Variants in NUP93 observed in about 807,000 individuals in gnomAD.
NUP93 encodes nuclear pore complex protein Nup93.
A neutral mutation model predicts 107.8 loss-of-function variants in NUP93; 55 were observed. The ratio of observed to expected loss-of-function variants is 0.51; its 90% CI spans 0.41 to 0.64. The LOEUF (loss-of-function observed/expected upper bound fraction) is 0.64. Among genes scored for constraint, NUP93 ranks in the 30% least tolerant of loss-of-function variants. The pLI, the probability that NUP93 is intolerant of heterozygous loss-of-function variation, is 0.00. For missense variants in NUP93, 937 were observed against 1,044.7 expected (o/e 0.90, Z 1.42); for synonymous variants, 390 against 397.5 (o/e 0.98, Z 0.22).
chr16:56,838,013 C>T (rs960476121), intron 18 of NUP93, among the ~76,000 whole-genome samples: 7 of 152,168 alleles, frequency 4.6e-5, no homozygotes, highest in African/African-American at 1.2e-4. Flanking sequence ...GCATTATGCT[C>T]GCCTAAATAC....
chr16:56,760,910 G>T (rs1220795422), intron 3 of NUP93, among the ~76,000 whole-genome samples: 1 of 152,006 alleles, frequency 6.6e-6, no homozygotes, highest in African/African-American at 2.4e-5. Flanking sequence ...AGTCCCTCCT[G>T]TGTGCACCAC....
At chr16:56,772,364 C>A (rs1258682492) in intron 3 of NUP93, among the ~76,000 whole-genome samples, 1 of 152,186 alleles carries the variant, frequency 6.6e-6, no homozygotes, top group Non-Finnish European at 1.5e-5. Context: ...ACTCCGGATT[C>A]TTTATACCTT....
chr16:56,781,142 C>T (rs772373562), intron 3 of NUP93, among the ~76,000 whole-genome samples: 5 of 152,152 alleles, frequency 3.3e-5, no homozygotes, highest in Non-Finnish European at 7.3e-5. Flanking sequence ...ACTTACACAT[C>T]ATATATTTTC....
At chr16:56,756,261 G>A (rs1038315348) in intron 2 of NUP93, among the ~76,000 whole-genome samples, 13 of 142,102 alleles carry the variant, frequency 9.1e-5, no homozygotes, top group South Asian at 2.3e-4. Flanking sequence ...GCCTGCATGC[G>A]TTAGGTATTT....
chr16:56,743,859 A>G (rs1283708579), intron 1 of NUP93, among the ~76,000 whole-genome samples: 1 of 152,100 alleles, frequency 6.6e-6, no homozygotes, highest in Non-Finnish European at 1.5e-5. Context: ...GTTTCTGTGG[A>G]GGCTCAGTAG....
At chr16:56,776,816 C>T (rs1478789931) in intron 3 of NUP93, among the ~76,000 whole-genome samples, 1 of 152,242 alleles carries the variant, frequency 6.6e-6, no homozygotes, top group Non-Finnish European at 1.5e-5. Flanking sequence ...GGCCCAAAGC[C>T]AGGACCTGGG....
At chr16:56,796,208 G>A (rs1207762030) in intron 3 of NUP93, among the ~76,000 whole-genome samples, 2 of 152,134 alleles carry the variant, frequency 1.3e-5, no homozygotes, top group East Asian at 3.8e-4. Context: ...TGATGTTTTG[G>A]TCAAGGACAA....
At chr16:56,823,884 T>C in intron 8 of NUP93, 38 bp downstream of exon 8, 1 of 1,600,752 alleles carries the variant, frequency 6.2e-7, no homozygotes, top group Non-Finnish European at 8.5e-7. Flanking sequence ...GGCTTTCACA[T>C]CCTTTGCAGT....
At chr16:56,822,215 T>C (rs1963560020) in intron 7 of NUP93, among the ~76,000 whole-genome samples, 1 of 151,892 alleles carries the variant, frequency 6.6e-6, no homozygotes, top group Non-Finnish European at 1.5e-5. Flanking sequence ...TTTTTTGTCT[T>C]TTTAAAAATT....
At chr16:56,844,258 TA>T (rs1421684454) in intron 21 of NUP93, among the ~76,000 whole-genome samples, 7 of 152,122 alleles carry the variant, frequency 4.6e-5, no homozygotes, top group African/African-American at 1.7e-4. Flanking sequence ...GCTTTTTGCT[TA>T]ATAGATGGGT....
intron 20 of NUP93, 178 bp downstream of exon 20, chr16:56,839,782 C>T (rs1963985408): frequency 1.7e-6 from 1 of 591,672 alleles, no homozygotes; most frequent in African/African-American, 1.9e-5. Flanking sequence ...GTGCATACAT[C>T]CCCATCAGAT....
chr16:56,745,967 G>T (rs1203733392), intron 1 of NUP93, among the ~76,000 whole-genome samples: 2 of 152,056 alleles, frequency 1.3e-5, no homozygotes, highest in African/African-American at 4.8e-5. Context: ...TCTGACGTAG[G>T]AATGAAATAT....
At position 56,784,879 on chromosome 16, in the gene NUP93, G is replaced by A. The variant is rs181020078; in HGVS notation, c.298-13597G>A. Among the ~76,000 whole-genome samples, 551 of 152,242 alleles carry A rather than the reference G, an allele frequency of 3.6e-3. 1 individual carries two copies. The highest frequency in any genetic ancestry group is 0.024 in the Middle Eastern group (7 of 294). ...GTGCTGTCTTCTCTAATTAATAGAT[G>A]TTGGAAACTAGGGAGACAATGATTT... On this transcript the variant is annotated intron_variant, in intron 3 of 21. Transcript: ENST00000308159.
chr16:56,815,896 CTGG>C (rs1555495734), intron 5 of NUP93, among the ~76,000 whole-genome samples: 52 of 86,180 alleles, frequency 6.0e-4, no homozygotes, highest in South Asian at 2.3e-3. Flanking sequence ...GCTGCTGCTG[CTGG>C]TGCTGCTGCT....
chr16:56,780,269 GTTAATT>G (rs1173073816), intron 3 of NUP93, among the ~76,000 whole-genome samples: 4 of 152,206 alleles, frequency 2.6e-5, no homozygotes, highest in Non-Finnish European at 4.4e-5. Context: ...TGTTGGTGCA[GTTAATT>G]TTAAGTTAGG....
At chr16:56,828,847 C>T in intron 8 of NUP93, 130 bp from the exon 9 acceptor site, 1 of 848,860 alleles carries the variant, frequency 1.2e-6, no homozygotes, top group Non-Finnish European at 1.8e-6. Context: ...GTACTATTTC[C>T]TCTTCTGCAT....
In NUP93 at chr16:56,790,407, A is replaced by T. The variant is rs8060875; in HGVS notation, c.298-8069A>T. Among the ~76,000 whole-genome samples the T allele has an allele frequency of 9.7e-3, 1,482 of 152,230 alleles. 27 individuals are homozygous for T. Among genetic ancestry groups the T allele is most frequent in the African/African-American group, 0.034 (1,406 of 41,524 alleles). ...TTATCAGTAATGAACATCTCTTTGC[A>T]CTTGAAAAAATCCTTGAGGCGCTCT... On this transcript the variant is annotated intron_variant, in intron 3 of 21. Transcript: ENST00000308159.
In NUP93 at chr16:56,833,409, G is replaced by A; in HGVS notation, c.1537+3G>A. 6.6e-7 allele frequency: 1 copy of A among 1,514,354 alleles called. No homozygotes were observed. The highest frequency in any genetic ancestry group is 2.6e-5 in the East Asian group (1 of 39,198). The allele number at this position is 1,514,354 out of a possible 1,614,324, so 93.8% of individuals were successfully genotyped here. ...CTCTGGACAGAGTGCTCAGCTCCGTGAGTATTTGGGATTGGATTGACAGTA... is the reference window on the plus strand; with the variant it reads ...CTCTGGACAGAGTGCTCAGCTCCGTAAGTATTTGGGATTGGATTGACAGTA... On this transcript the variant is annotated splice_donor_region_variant and intron_variant, in intron 13 of 21. Coordinates refer to ENST00000308159, the MANE Select transcript of NUP93 (RefSeq NM_014669.5).
intron 13 of NUP93, 121 bp downstream of exon 13, chr16:56,833,527 A>T: frequency 1.3e-6 from 1 of 766,264 alleles, no homozygotes; most frequent in Non-Finnish European, 1.9e-6. Context: ...ATTTTAGAGC[A>T]TGTGGACAGT....
Sources: gnomAD v4.1 joint callset for allele counts (sites outside exome capture counted in the v4.1 genomes callset) on GRCh38, gnomAD v4.1.1 for gene constraint, MANE v1.5 for transcripts, NCBI Gene and HGNC (gene_info 2026-07-23, HGNC 2026-07-21) for gene names.